The following DCAF6 variants were observed in gnomAD, a reference collection of about 807,000 sequenced individuals.
DCAF6 encodes DDB1- and CUL4-associated factor 6.
DCAF6 carries 54 observed loss-of-function variants against 125.1 expected under a neutral mutation model. That is an observed-to-expected ratio of 0.43 (90% CI 0.35 to 0.54). The LOEUF is 0.54. Ranked by LOEUF, DCAF6 falls within the 20% of genes least tolerant of loss-of-function variation. The pLI, the probability that DCAF6 is intolerant of heterozygous loss-of-function variation, is 0.01. For missense variants in DCAF6, 934 were observed against 1,161.7 expected (o/e 0.80, Z 2.85); for synonymous variants, 371 against 390.4 (o/e 0.95, Z 0.58).
chr1:168,062,563 G>A (rs1266420974), intron 17 of DCAF6, among the ~76,000 whole-genome samples: 10 of 151,842 alleles, frequency 6.6e-5, no homozygotes, highest in African/African-American at 2.2e-4. Flanking sequence ...CCTATTATTA[G>A]TGAGACTGAG....
chr1:168,066,483 C>T lies in DCAF6; in HGVS notation c.2685+18C>T. Reference sequence around the variant, plus strand: ...CTGATGAAGTAAGATTTTTATTGTACTTACTATAGACCATATTTCAATTTG... The same window carrying T: ...CTGATGAAGTAAGATTTTTATTGTATTTACTATAGACCATATTTCAATTTG... On this transcript the variant is annotated intron_variant, in intron 20 of 21. Transcript: ENST00000367840. 2.0e-6 allele frequency: 3 copies of T among 1,480,590 alleles called. No individual in the cohort carries two copies. The highest frequency in any genetic ancestry group is 2.3e-5 in the South Asian group (2 of 86,112). 91.7% of individuals were successfully genotyped at this position (1,480,590 alleles called of 1,614,324 possible).
At chr1:168,035,390 C>T (rs957517454) in intron 12 of DCAF6, among the ~76,000 whole-genome samples, 23 of 152,044 alleles carry the variant, frequency 1.5e-4, no homozygotes, top group African/African-American at 4.8e-4. Context: ...GAGGATGCAG[C>T]GAGCCATGAT....
At position 168,004,712 on chromosome 1, in the gene DCAF6, T is replaced by G; in HGVS notation, c.1297T>G (p.Ser433Ala). 1 of 1,614,034 alleles carries G rather than the reference T, an allele frequency of 6.2e-7. No homozygotes were observed. Among genetic ancestry groups the G allele is most frequent in the South Asian group, 1.1e-5 (1 of 91,068 alleles). ...STSSPTESPH[S>A]TPLLSSPDSE... ...ATCATCTCCCACAGAAAGCCCTCAT[T>G]CTACTCCTTTGCTATCTTCTCCAGA... is the stretch of plus-strand genomic sequence containing the variant. Residue 433 changes from serine (S) to alanine (A), a missense_variant, in exon 10 of 22, where the codon TCT becomes GCT. By Grantham distance (99) the Ser-to-Ala change is moderately conservative (BLOSUM62 1). Transcript: ENST00000367840.
intron 13 of DCAF6, among the ~76,000 whole-genome samples, chr1:168,039,702 T>G (rs1178289724): frequency 6.8e-6 from 1 of 147,830 alleles, no homozygotes; most frequent in Non-Finnish European, 1.5e-5. Flanking sequence ...AATATTTAAT[T>G]GTATATTAAT....
At chr1:167,949,529 C>T (rs1210209780) in intron 1 of DCAF6, among the ~76,000 whole-genome samples, 1 of 152,180 alleles carries the variant, frequency 6.6e-6, no homozygotes, top group East Asian at 1.9e-4. Flanking sequence ...GATTCCTCAG[C>T]TGTGATTAAA....
chr1:167,903,394 T>C, the DCAF6 span, among the ~76,000 whole-genome samples: 4 of 152,012 alleles, frequency 2.6e-5, no homozygotes, highest in African/African-American at 9.7e-5. Context: ...TGAGACCCCA[T>C]CTCTACTAAA....
rs1384705877 is a variant in DCAF6 at position 168,003,786 on chromosome 1, A to T, written c.998-84A>T. The T allele has an allele frequency of 4.8e-6, 6 of 1,245,794 alleles. No homozygotes were observed. The East Asian group carries it at 1.4e-4, about 30-fold the overall frequency. 77.2% of individuals were successfully genotyped at this position (1,245,794 alleles called of 1,614,324 possible). On this transcript the variant is annotated intron_variant, in intron 8 of 21. Coordinates refer to ENST00000367840, the MANE Select transcript of DCAF6 (RefSeq NM_001198956.2). ...ATTTTTAAAAATATGCTTTCATTTT[A>T]AAGCCCTTCAAATCTAGGTTTTTGT... is the stretch of plus-strand genomic sequence containing the variant.
intron 11 of DCAF6, chr1:168,019,432 C>A: frequency 3.1e-6 from 1 of 325,308 alleles, no homozygotes; most frequent in Admixed American, 3.5e-5. Flanking sequence ...TGATAGCATT[C>A]AGGGTTTTGA....
intron 1 of DCAF6, among the ~76,000 whole-genome samples, chr1:167,941,655 T>C (rs1672261305): frequency 6.6e-6 from 1 of 152,188 alleles, no homozygotes; most frequent in Non-Finnish European, 1.5e-5. Context: ...AAAATTGTTC[T>C]AGATGGTGTG....
intron 11 of DCAF6, among the ~76,000 whole-genome samples, chr1:168,020,294 C>G (rs1326302482): frequency 6.6e-6 from 1 of 152,114 alleles, no homozygotes. Flanking sequence ...TACAATATTA[C>G]TGAGTAGAAA....
In DCAF6 at chr1:167,936,737, C is replaced by G. The variant is rs1386997240; in HGVS notation, c.-175C>G. 1.7e-6 allele frequency: 1 copy of G among 601,606 alleles called. No homozygotes were observed. The highest frequency in any genetic ancestry group is 1.9e-5 in the African/African-American group (1 of 51,676). The allele number at this position is 601,606 out of a possible 1,614,324, so 37.3% of individuals were successfully genotyped here. A position where few individuals can be genotyped will look rare whatever the true frequency, so the allele number is the denominator to read the frequency against. ...TATGAGGCGAGCTCCGGCCCGGGTG[C>G]GGCCGGGCTTCAGGGGCCCAGGCGC... On this transcript the variant is annotated 5_prime_UTR_variant, in exon 1 of 22. Transcript: ENST00000367840.
At chr1:167,963,822 T>G (rs12095210) in intron 2 of DCAF6, among the ~76,000 whole-genome samples, 21,040 of 152,188 alleles carry the variant, frequency 0.14, 1,930 homozygotes, top group African/African-American at 0.26. Context: ...TTTTTAATTA[T>G]TTGCCCTAAA....
intron 11 of DCAF6, among the ~76,000 whole-genome samples, chr1:168,019,047 C>A (rs1685337835): frequency 1.4e-5 from 2 of 146,524 alleles, no homozygotes; most frequent in Non-Finnish European, 3.0e-5. Context: ...TGTACTCTCT[C>A]TTTTTTTTTT....
the DCAF6 span, among the ~76,000 whole-genome samples, chr1:167,929,299 C>A: frequency 6.6e-6 from 1 of 151,868 alleles, no homozygotes; most frequent in Non-Finnish European, 1.5e-5. Context: ...GCAGAGGTTG[C>A]AGTGAGCCGA....
At chr1:167,990,436 A>G (rs1680669965) in intron 5 of DCAF6, among the ~76,000 whole-genome samples, 4 of 152,218 alleles carry the variant, frequency 2.6e-5, no homozygotes, top group Admixed American at 2.6e-4. Flanking sequence ...TGTCATAGGT[A>G]GATTATAACT....
At chr1:167,964,470 A>AT (rs1263448437) in intron 2 of DCAF6, among the ~76,000 whole-genome samples, 2 of 151,712 alleles carry the variant, frequency 1.3e-5, no homozygotes, top group Non-Finnish European at 2.9e-5. Context: ...TTCTTTCAGG[A>AT]TTTTTTCTTA....
intron 13 of DCAF6, among the ~76,000 whole-genome samples, chr1:168,041,040 A>T (rs1688464277): frequency 6.6e-6 from 1 of 151,930 alleles, no homozygotes; most frequent in African/African-American, 2.4e-5. Flanking sequence ...TGAAATTGAC[A>T]AGTTTTTGAA....
intron 17 of DCAF6, among the ~76,000 whole-genome samples, chr1:168,060,043 G>A (rs1246032614): frequency 6.6e-6 from 1 of 152,114 alleles, no homozygotes; most frequent in Non-Finnish European, 1.5e-5. Flanking sequence ...TTTTGTTGCT[G>A]TTATAAATGC....
the DCAF6 span, among the ~76,000 whole-genome samples, chr1:167,903,087 T>G: frequency 6.6e-6 from 1 of 151,160 alleles, no homozygotes; most frequent in South Asian, 2.1e-4. Context: ...AAACCCTATC[T>G]CTACTGAAAA....
Sources: gnomAD v4.1 joint callset for allele counts (sites outside exome capture counted in the v4.1 genomes callset) on GRCh38, gnomAD v4.1.1 for gene constraint, MANE v1.5 for transcripts, NCBI Gene and HGNC (gene_info 2026-07-23, HGNC 2026-07-21) for gene names.